PTK2: variants seen among roughly 807,000 people sequenced by gnomAD.
PTK2 encodes the protein focal adhesion kinase 1.
A neutral mutation model predicts 150.1 loss-of-function variants in PTK2; 45 were observed. The observed-to-expected ratio is 0.30, with a 90% CI of 0.24 to 0.38. The LOEUF (loss-of-function observed/expected upper bound fraction) is 0.38. Among genes scored for constraint, PTK2 ranks in the 10% least tolerant of loss-of-function variants. The probability of loss-of-function intolerance (pLI) is 1.00; values close to 1 mark genes in which losing one functional copy is unlikely to be tolerated. For synonymous variants in PTK2, 432 were observed against 449.2 expected, an observed-to-expected ratio of 0.96 and a Z score of 0.48; for missense variants, 919 against 1,307.3, an observed-to-expected ratio of 0.70 and a Z score of 4.58.
chr8:140,689,734 C>T (rs1351839618), intron 26 of PTK2, among the ~76,000 whole-genome samples: 4 of 152,194 alleles, frequency 2.6e-5, no homozygotes, highest in South Asian at 4.1e-4. Context: ...ATGTTAACAA[C>T]TGGAGACTCT....
At chr8:140,680,784 A>G (rs2100016474) in intron 27 of PTK2, among the ~76,000 whole-genome samples, 1 of 152,194 alleles carries the variant, frequency 6.6e-6, no homozygotes. Flanking sequence ...TGATAATGCA[A>G]CCTTCTTGCT....
intron 1 of PTK2, among the ~76,000 whole-genome samples, chr8:140,938,885 G>A (rs2100174657): frequency 6.6e-6 from 1 of 152,088 alleles, no homozygotes; most frequent in South Asian, 2.1e-4. Context: ...GTGCATGCCT[G>A]TAATGTCAAC....
chr8:140,980,829 C>T (rs186676092), intron 1 of PTK2, among the ~76,000 whole-genome samples: 35 of 148,328 alleles, frequency 2.4e-4, no homozygotes, highest in African/African-American at 8.2e-4. Context: ...TGGCTCACTG[C>T]AACCTCCACC....
chr8:140,988,666 C>A (rs12334478), intron 1 of PTK2, among the ~76,000 whole-genome samples: 2 of 149,428 alleles, frequency 1.3e-5, no homozygotes, highest in South Asian at 2.1e-4. Context: ...GAGGCGGAGC[C>A]TGCAGTGAGC....
At chr8:140,882,791 C>G (rs150407606) in intron 3 of PTK2, among the ~76,000 whole-genome samples, 4,109 of 152,218 alleles carry the variant, frequency 0.027, 276 homozygotes, top group Admixed American at 0.16. Flanking sequence ...GTATTTATGA[C>G]CACTGCATAG....
rs1298157070 is a variant in PTK2 at position 140,959,715 on chromosome 8, AC to A, written c.-121-33967del. On this transcript the variant is annotated intron_variant, in intron 1 of 31. Transcript: ENST00000522684. The stretch of plus-strand genomic sequence containing the variant: ...TCTTTTACAATCTTACCTGTGGCCC[AC>A]GTATAGCAGCTCATGCCTGTAATTC... 2.0e-5 allele frequency among the ~76,000 whole-genome samples: 3 copies of A among 151,620 alleles called. No homozygotes were observed. The East Asian group carries it at 5.9e-4, about 30-fold the overall frequency.
chr8:140,659,504 C>T lies in PTK2; in HGVS notation c.3121G>A (p.Ala1041Thr), dbSNP rs1462015214. Residue 1041 changes from alanine (A) to threonine (T), a missense_variant, in exon 32 of 32, where the codon GCA becomes ACA. By Grantham distance (58) the Ala-to-Thr change is moderately conservative. Coordinates refer to ENST00000522684, the Ensembl canonical transcript of PTK2. ...GTCTGCCCAAGCATTTTCAGTCTTG[C>T]TTGGTCAATGACATCGAGTAAGTTT... 1 of 1,613,202 alleles carries T rather than the reference C, an allele frequency of 6.2e-7. No individual in the cohort carries two copies. Among genetic ancestry groups the T allele is most frequent in the Non-Finnish European group, 8.5e-7 (1 of 1,180,036 alleles).
At chr8:140,796,670 T>C (rs1464335767) in intron 12 of PTK2, among the ~76,000 whole-genome samples, 1 of 152,172 alleles carries the variant, frequency 6.6e-6, no homozygotes, top group African/African-American at 2.4e-5. Context: ...AGTAATGGAA[T>C]ACAGAAAAAT....
chr8:140,751,091 A>G (rs1195997733), intron 17 of PTK2, among the ~76,000 whole-genome samples: 1 of 151,912 alleles, frequency 6.6e-6, no homozygotes, highest in Admixed American at 6.6e-5. Context: ...AAAAAAAAAG[A>G]TAAGTGTTTC....
chr8:140,717,813 A>G (rs1311776311), intron 22 of PTK2, 104 bp from the exon 26 acceptor site: 2 of 839,772 alleles, frequency 2.4e-6, no homozygotes, highest in East Asian at 2.5e-5. Flanking sequence ...CTAACAGTAG[A>G]TGATAACAAT....
At chr8:140,724,203 G>A (rs561596400) in intron 22 of PTK2, among the ~76,000 whole-genome samples, 12 of 152,212 alleles carry the variant, frequency 7.9e-5, no homozygotes, top group African/African-American at 2.9e-4. Context: ...AACCTGTTTT[G>A]TCATTTACAA....
intron 10 of PTK2, 130 bp downstream of exon 10, chr8:140,818,147 C>T (rs1410195130): frequency 3.6e-5 from 29 of 802,348 alleles, no homozygotes; most frequent in Non-Finnish European, 5.9e-5. Flanking sequence ...CCCCACTCCA[C>T]TGAACAATAA....
intron 10 of PTK2, among the ~76,000 whole-genome samples, chr8:140,805,648 T>C (rs572962342): frequency 2.0e-5 from 3 of 151,926 alleles, no homozygotes; most frequent in South Asian, 4.2e-4. Flanking sequence ...CCTTTCCCCA[T>C]TATCCAACCT....
At chr8:140,957,612 C>A (rs1004401242) in intron 1 of PTK2, among the ~76,000 whole-genome samples, 1 of 152,150 alleles carries the variant, frequency 6.6e-6, no homozygotes, top group African/African-American at 2.4e-5. Context: ...CCCAGAGCAG[C>A]GTTCAGTCCT....
intron 29 of PTK2, among the ~76,000 whole-genome samples, chr8:140,671,098 A>G (rs2095308646): frequency 6.6e-6 from 1 of 152,194 alleles, no homozygotes; most frequent in Non-Finnish European, 1.5e-5. Flanking sequence ...GCCAATTCCA[A>G]CCACTTAGGT....
chr8:140,750,697 A>G (rs1023894770), intron 17 of PTK2, among the ~76,000 whole-genome samples: 3 of 152,224 alleles, frequency 2.0e-5, no homozygotes, highest in Non-Finnish European at 4.4e-5. Context: ...AAGAGCTTAC[A>G]TTTGGGAAAG....
At chr8:140,839,713 T>G (rs548581215) in intron 7 of PTK2, among the ~76,000 whole-genome samples, 1 of 151,792 alleles carries the variant, frequency 6.6e-6, no homozygotes, top group Admixed American at 6.6e-5. Flanking sequence ...GACAGAGAGA[T>G]AGAAAACACG....
intron 27 of PTK2, among the ~76,000 whole-genome samples, chr8:140,686,370 C>A (rs550720599): frequency 2.6e-5 from 4 of 151,588 alleles, no homozygotes; most frequent in African/African-American, 9.7e-5. Context: ...CCTTATATAA[C>A]ACATCTGTAC....
chr8:140,764,450 ATG>A, intron 14 of PTK2, 160 bp from the exon 17 acceptor site: 1 of 607,840 alleles, frequency 1.6e-6, no homozygotes, highest in Non-Finnish European at 2.9e-6. Context: ...TGAGTCATTT[ATG>A]GAAATAAAAG....
Sources: gnomAD v4.1 joint callset for allele counts (sites outside exome capture counted in the v4.1 genomes callset) on GRCh38, gnomAD v4.1.1 for gene constraint, MANE v1.5 for transcripts, NCBI Gene and HGNC (gene_info 2026-07-23, HGNC 2026-07-21) for gene names.